The following SPTB variants were observed in gnomAD, a reference collection of about 807,000 sequenced individuals.
The protein encoded by SPTB is spectrin beta chain, erythrocytic.
A neutral mutation model predicts 256.2 loss-of-function variants in SPTB; 45 were observed. That is an observed-to-expected ratio of 0.18 (90% CI 0.14 to 0.23). The LOEUF (loss-of-function observed/expected upper bound fraction) is 0.23. SPTB is among the 10% of genes least tolerant of loss of function. SPTB has a pLI of 1.00. For missense variants in SPTB, 2,715 were observed against 3,040.4 expected, an observed-to-expected ratio of 0.89 and a Z score of 2.52; for synonymous variants, 1,231 against 1,243.1, an observed-to-expected ratio of 0.99 and a Z score of 0.21.
In SPTB at chr14:64,802,132, G is replaced by T. The variant is rs2082898268; in HGVS notation, c.566+94C>A. 1.7e-6 allele frequency: 2 copies of T among 1,197,164 alleles called. No individual in the cohort carries two copies. Among genetic ancestry groups the T allele is most frequent in the Non-Finnish European group, 1.2e-6 (1 of 810,252 alleles). 74.2% of individuals were successfully genotyped at this position (1,197,164 alleles called of 1,614,324 possible). ...TACAGGGAGGCAGCTGTAGTTCTGG[G>T]TGATGATGTCTAATGTCCCTCTGGA... On this transcript the variant is annotated intron_variant, in intron 5 of 35. Coordinates refer to ENST00000644917, the MANE Select transcript of SPTB (RefSeq NM_001355436.2). This position sits in a 1 kb window ranked among gnomAD's most constrained non-coding sequence, Gnocchi z 5.1.
At chr14:64,753,475 A>G in intron 33 of SPTB, 62 bp downstream of exon 33, 9 of 1,609,776 alleles carry the variant, frequency 5.6e-6, no homozygotes, top group Non-Finnish European at 7.6e-6. Flanking sequence ...AGGCTCTGCT[A>G]GCAGAGAGAT....
intron 1 of SPTB, among the ~76,000 whole-genome samples, chr14:64,830,822 C>G (rs1031003755): frequency 6.6e-6 from 1 of 152,126 alleles, no homozygotes; most frequent in African/African-American, 2.4e-5. Context: ...TATGTGAACT[C>G]TGCTCTAGTC....
At chr14:64,780,159 G>T (rs2082442029) in intron 20 of SPTB, among the ~76,000 whole-genome samples, 1 of 152,192 alleles carries the variant, frequency 6.6e-6, no homozygotes, top group Admixed American at 6.5e-5. Context: ...AGGGGTTGGA[G>T]ATGGATTAGA....
At position 64,807,004 on chromosome 14, in the gene SPTB, C is replaced by T. The variant is rs137871279; in HGVS notation, c.149-1914G>A. On this transcript the variant is annotated intron_variant, in intron 2 of 35. Transcript: ENST00000644917. This position sits in a 1 kb window ranked among gnomAD's most constrained non-coding sequence, Gnocchi z 4.7. ...TAAACCACTTTCCTGATTTCAAATG[C>T]TGCTTCAGCGAAATGTAACTAAAGG... 9.8e-5 allele frequency among the ~76,000 whole-genome samples: 15 copies of T among 152,340 alleles called. No individual in the cohort carries two copies. In the East Asian group the frequency reaches 1.9e-3, roughly 20 times the overall value.
chr14:64,815,090 G>A (rs1252903151), intron 2 of SPTB, among the ~76,000 whole-genome samples: 1 of 152,138 alleles, frequency 6.6e-6, no homozygotes, highest in Non-Finnish European at 1.5e-5. Context: ...GAGCAAGGCA[G>A]CTGCAGGACA....
At chr14:64,781,819 C>T (rs958397120) in intron 20 of SPTB, among the ~76,000 whole-genome samples, 1 of 152,170 alleles carries the variant, frequency 6.6e-6, no homozygotes, top group African/African-American at 2.4e-5. Context: ...AACCTAAATG[C>T]CCATCAATGA....
chr14:64,862,873 C>CAAA lies in SPTB; in HGVS notation c.-52+16916_-52+16918dup, dbSNP rs5809252. 6.9e-3 allele frequency among the ~76,000 whole-genome samples: 1,037 copies of CAAA among 150,224 alleles called. 11 individuals carry two copies. Among genetic ancestry groups the CAAA allele is most frequent in the African/African-American group, 0.02 (832 of 41,000 alleles). On this transcript the variant is annotated intron_variant, in intron 1 of 35. Transcript: ENST00000644917. ...TAAAACAAATAAACAACAATAACAA[C>CAAA]AAAAAAAAACCACACCCCATGATAT... is the stretch of plus-strand genomic sequence containing the variant.
intron 1 of SPTB, among the ~76,000 whole-genome samples, chr14:64,834,277 T>C (rs990303592): frequency 2.6e-5 from 4 of 152,100 alleles, no homozygotes; most frequent in African/African-American, 9.7e-5. Flanking sequence ...TCCACCTGCC[T>C]CAGCCTCCCA....
chr14:64,815,460 G>C (rs229672), intron 2 of SPTB, among the ~76,000 whole-genome samples: 53,389 of 152,050 alleles, frequency 0.35, 10,420 homozygotes, highest in African/African-American at 0.52. Context: ...GATGACAACA[G>C]CTATAAGCTG....
rs199837217 is a variant in SPTB at position 64,757,618 on chromosome 14, C to T, written c.6346-3825G>A. The stretch of plus-strand genomic sequence containing the variant: ...GAGGGTGAGAGATGAAGGAACTGGG[C>T]TTTGGCAGGGCTTCCCTTCCTCTCT... On this transcript the variant is annotated intron_variant, in intron 32 of 35. Coordinates refer to ENST00000644917, the MANE Select transcript of SPTB (RefSeq NM_001355436.2). 9 of 152,546 alleles carry T rather than the reference C, an allele frequency of 5.9e-5. No individual in the cohort carries two copies. The East Asian group carries it at 1.7e-3, about 29-fold the overall frequency. 9.4% of individuals were successfully genotyped at this position (152,546 alleles called of 1,614,324 possible). A position where few individuals can be genotyped will look rare whatever the true frequency, so the allele number is the denominator to read the frequency against.
At chr14:64,867,537 G>T (rs1882257034) in intron 1 of SPTB, among the ~76,000 whole-genome samples, 1 of 152,140 alleles carries the variant, frequency 6.6e-6, no homozygotes, top group African/African-American at 2.4e-5. Flanking sequence ...GCTGATGGGG[G>T]TCTTAAGGCA....
At chr14:64,813,100 G>A (rs2083121965) in intron 2 of SPTB, among the ~76,000 whole-genome samples, 1 of 152,096 alleles carries the variant, frequency 6.6e-6, no homozygotes. Flanking sequence ...TGTTATAGCT[G>A]GATGGTAAGA....
rs57385615 is a variant in SPTB, at chr14:64,797,467, C to CAAAAAA, written c.1182+256_1182+261dup. ...GGGTGACAGAGTGAGACCCTGTCTC[C>CAAAAAA]AAAAAAAAAAAAAAAAAAAAAAAAA... is the stretch of plus-strand genomic sequence containing the variant. On this transcript the variant is annotated intron_variant, in intron 10 of 35. Transcript: ENST00000644917. Among the ~76,000 whole-genome samples the CAAAAAA allele has an allele frequency of 1.3e-3, 41 of 31,014 alleles. 8 individuals are homozygous for CAAAAAA. Among genetic ancestry groups the CAAAAAA allele is most frequent in the African/African-American group, 2.6e-3 (22 of 8,310 alleles). The allele number at this position is 31,014 out of a possible 152,430, so 20.3% of individuals were successfully genotyped here.
chr14:64,782,199 C>T (rs1263986018), intron 20 of SPTB, 91 bp downstream of exon 20: 2 of 1,584,512 alleles, frequency 1.3e-6, no homozygotes, highest in African/African-American at 1.3e-5. Context: ...TCACATGTAC[C>T]CCCAAACCTA....
In SPTB at chr14:64,793,641, G is replaced by T. The variant is rs748652969; in HGVS notation, c.2022C>A (p.Ile674=). ...CAAAGGCCTTGTGCTTGCGCTGTAA[G>T]ATGAGCACACTGGTCAGGTCTTTGC... is the stretch of plus-strand genomic sequence containing the variant. ...DYGKDLTSVL[I]LQRKHKAFED... The change falls in exon 14 of 36, where the codon ATC becomes ATA. Residue 674 remains isoleucine (I), a synonymous_variant. Transcript: ENST00000644917. The surrounding 1 kb of genome is among the most constrained non-coding windows in gnomAD (Gnocchi z 7.0). 1.2e-6 allele frequency: 2 copies of T among 1,614,194 alleles called. No homozygotes were observed. Among genetic ancestry groups the T allele is most frequent in the South Asian group, 2.2e-5 (2 of 91,084 alleles).
chr14:64,815,939 C>T (rs957026574), intron 2 of SPTB, among the ~76,000 whole-genome samples: 2 of 152,160 alleles, frequency 1.3e-5, no homozygotes, highest in African/African-American at 2.4e-5. Flanking sequence ...GGCAGGATGA[C>T]GGAAGAGTGA....
In SPTB at chr14:64,775,163, C is replaced by T. The variant is rs1180402020; in HGVS notation, c.4804G>A (p.Glu1602Lys). ...DADEAEAWIG[E>K]QELYVISDEI... ...TCGGAGATGACGTAGAGCTCCTGCT[C>T]GCCAATCCAGGCCTCAGCCTCGTCT... The change falls in exon 23 of 36, where the codon GAG (glutamate) becomes AAG (lysine). Residue 1602 changes from glutamate to lysine, a missense_variant. Physicochemically the swap from Glu to Lys is moderately conservative, Grantham distance 56. This residue lies in a region of SPTB where 2,239 missense variants were observed against 2,384.4 expected (regional missense o/e 0.94). Coordinates refer to ENST00000644917, the MANE Select transcript of SPTB (RefSeq NM_001355436.2). The surrounding 1 kb of genome is among the most constrained non-coding windows in gnomAD (Gnocchi z 5.0). The T allele has an allele frequency of 8.1e-6, 13 of 1,613,838 alleles. No individual in the cohort carries two copies. The Admixed American group carries it at 8.3e-5, about 10-fold the overall frequency.
chr14:64,865,587 A>G (rs539585021), intron 1 of SPTB, among the ~76,000 whole-genome samples: 178 of 152,226 alleles, frequency 1.2e-3, no homozygotes, highest in African/African-American at 4.0e-3. Context: ...TGGAGTTGCT[A>G]CATTGAGGAC....
chr14:64,812,749 A>G (rs1352829141), intron 2 of SPTB, among the ~76,000 whole-genome samples: 1 of 152,062 alleles, frequency 6.6e-6, no homozygotes, highest in Non-Finnish European at 1.5e-5. Context: ...GGCTGTTTTA[A>G]AAATAGGAGC....
Sources: allele counts gnomAD v4.1 joint callset (sites outside exome capture counted in the v4.1 genomes callset), GRCh38; gene constraint gnomAD v4.1.1; regional missense constraint gnomAD v4.1.1; non-coding constraint Gnocchi (gnomAD v3.1); transcripts MANE v1.5; gene names NCBI Gene and HGNC (gene_info 2026-07-23, HGNC 2026-07-21).